ERC2: variants seen among roughly 807,000 people sequenced by gnomAD.
ERC2 encodes the protein ERC protein 2.
In ERC2, 42 loss-of-function variants were observed where a neutral mutation model predicts 114.8. The ratio of observed to expected loss-of-function variants is 0.37; its 90% CI spans 0.29 to 0.47. The LOEUF (loss-of-function observed/expected upper bound fraction) is 0.47, where lower values mean the gene tolerates loss of function less well. ERC2 is among the 20% of genes least tolerant of loss of function. The probability of loss-of-function intolerance (pLI) is 0.99; values close to 1 mark genes in which losing one functional copy is unlikely to be tolerated. For synonymous variants in ERC2, 454 were observed against 425.5 expected, an observed-to-expected ratio of 1.07 and a Z score of -0.82; for missense variants, 939 against 1,150.7, an observed-to-expected ratio of 0.82 and a Z score of 2.66.
At chr3:56,450,089 T>C (rs1315128154) in intron 1 of ERC2, among the ~76,000 whole-genome samples, 1 of 152,252 alleles carries the variant, frequency 6.6e-6, no homozygotes, top group African/African-American at 2.4e-5. Flanking sequence ...GTGAATGCCA[T>C]GATGTGAATC....
chr3:55,987,034 C>G (rs542005699), intron 11 of ERC2, among the ~76,000 whole-genome samples: 1 of 151,938 alleles, frequency 6.6e-6, no homozygotes, highest in Non-Finnish European at 1.5e-5. Flanking sequence ...AAAATAAATC[C>G]TCAGGATAAA....
At chr3:55,934,920 G>A (rs969979038) in intron 13 of ERC2, among the ~76,000 whole-genome samples, 7 of 152,116 alleles carry the variant, frequency 4.6e-5, no homozygotes, top group Non-Finnish European at 7.3e-5. Context: ...CATGCGGTCT[G>A]GGGGAAAAAA....
chr3:56,259,187 G>A (rs1473857769), intron 3 of ERC2, among the ~76,000 whole-genome samples: 1 of 151,862 alleles, frequency 6.6e-6, no homozygotes, highest in Non-Finnish European at 1.5e-5. Context: ...GATCAGGCTG[G>A]TCTTGAACTC....
intron 6 of ERC2, among the ~76,000 whole-genome samples, chr3:56,091,662 G>A (rs754203344): frequency 2.6e-5 from 4 of 152,288 alleles, no homozygotes; most frequent in East Asian, 1.9e-4. Context: ...ACAAAAATGT[G>A]TAAGGAGAGG....
intron 3 of ERC2, among the ~76,000 whole-genome samples, chr3:56,191,883 C>A (rs1330535022): frequency 6.6e-6 from 1 of 152,124 alleles, no homozygotes. Flanking sequence ...CACCTGTGCA[C>A]AAATGTCTCA....
chr3:55,684,322 G>GCA (rs148145445), intron 16 of ERC2, among the ~76,000 whole-genome samples: 22,461 of 149,448 alleles, frequency 0.15, 1,891 homozygotes, highest in East Asian at 0.33. Context: ...ACACACACAC[G>GCA]CACACACACA....
chr3:55,724,281 G>A (rs112927495), intron 15 of ERC2, among the ~76,000 whole-genome samples: 11 of 152,332 alleles, frequency 7.2e-5, no homozygotes, highest in South Asian at 4.1e-4. Context: ...AGGTCATGGC[G>A]GGAGCCAGCA....
In ERC2 at chr3:56,434,735, A is replaced by T; in HGVS notation, c.273T>A (p.Tyr91Ter). The T allele has an allele frequency of 6.2e-7, 1 of 1,613,962 alleles. No homozygotes were observed. Among genetic ancestry groups the T allele is most frequent in the Non-Finnish European group, 8.5e-7 (1 of 1,179,888 alleles). ...TLGRATNRAV[Y>*]GGRVTAMGSS... ...TCCCCATGGCTGTGACACGGCCTCC[A>T]TATACAGCTCGATTTGTAGCCCTTC... The change falls in exon 2 of 18, where the codon TAT becomes TAA. Residue 91 changes from tyrosine to a stop codon, truncating the protein, a stop_gained. Transcript: ENST00000288221. LOFTEE classifies it high-confidence loss of function.
intron 7 of ERC2, among the ~76,000 whole-genome samples, chr3:56,021,506 C>A (rs1249749209): frequency 1.3e-5 from 2 of 152,008 alleles, no homozygotes; most frequent in East Asian, 1.9e-4. Flanking sequence ...CTACTTAATA[C>A]TAAATTGTCC....
intron 17 of ERC2, among the ~76,000 whole-genome samples, chr3:55,660,222 C>A (rs556868293): frequency 4.6e-5 from 7 of 152,168 alleles, no homozygotes; most frequent in Non-Finnish European, 8.8e-5. Context: ...GGCACATCAA[C>A]CCGCACCCCC....
intron 14 of ERC2, among the ~76,000 whole-genome samples, chr3:55,741,781 G>A (rs1232514899): frequency 6.6e-6 from 1 of 152,108 alleles, no homozygotes; most frequent in African/African-American, 2.4e-5. Context: ...TAGGAAGGAA[G>A]ATAAGATAAT....
chr3:56,068,694 T>C (rs1040916864), intron 7 of ERC2, among the ~76,000 whole-genome samples: 1 of 152,190 alleles, frequency 6.6e-6, no homozygotes, highest in Non-Finnish European at 1.5e-5. Flanking sequence ...TGCTATAAAT[T>C]TCCCTCTTAA....
At chr3:55,543,948 T>G (rs1309710358) in intron 17 of ERC2, among the ~76,000 whole-genome samples, 1 of 152,158 alleles carries the variant, frequency 6.6e-6, no homozygotes, top group Non-Finnish European at 1.5e-5. Context: ...CCTGGCCTAT[T>G]TCATCCGTTC....
At chr3:56,394,347 T>G (rs1328040293) in intron 2 of ERC2, among the ~76,000 whole-genome samples, 1 of 152,188 alleles carries the variant, frequency 6.6e-6, no homozygotes, top group Admixed American at 6.5e-5. Flanking sequence ...GTGAAACTGT[T>G]TTATAGGTAA....
At chr3:55,834,444 G>A (rs922024283) in intron 14 of ERC2, among the ~76,000 whole-genome samples, 48 of 152,160 alleles carry the variant, frequency 3.2e-4, no homozygotes, top group African/African-American at 1.1e-3. Context: ...CTAGAACTCA[G>A]GATTAAGAAA....
chr3:56,081,841 T>G (rs1046881350), intron 6 of ERC2, among the ~76,000 whole-genome samples: 2 of 152,178 alleles, frequency 1.3e-5, no homozygotes, highest in African/African-American at 4.8e-5. Flanking sequence ...TTGAGTTAAT[T>G]TTCTGTAGCA....
chr3:56,079,759 G>A (rs746887612), intron 7 of ERC2, among the ~76,000 whole-genome samples: 19 of 152,174 alleles, frequency 1.2e-4, no homozygotes, highest in Non-Finnish European at 2.8e-4. Flanking sequence ...GTTGTGACTG[G>A]AGAGTTTTTA....
chr3:56,006,927 T>C lies in ERC2; in HGVS notation c.2061+254A>G, dbSNP rs139923453. On this transcript the variant is annotated intron_variant, in intron 10 of 17. Coordinates refer to ENST00000288221, the MANE Select transcript of ERC2 (RefSeq NM_015576.3). ...AGAGAGTAATGGCTGGTTTTTATAATATTTTTAACTTCTGCTACTATTTTG... is the reference window on the plus strand; with the variant it reads ...AGAGAGTAATGGCTGGTTTTTATAACATTTTTAACTTCTGCTACTATTTTG... Among the ~76,000 whole-genome samples, 497 of 152,228 alleles carry C rather than the reference T, an allele frequency of 3.3e-3. 4 individuals are homozygous for C. Among genetic ancestry groups the C allele is most frequent in the African/African-American group, 0.011 (466 of 41,554 alleles).
intron 2 of ERC2, among the ~76,000 whole-genome samples, chr3:56,405,800 T>C (rs925503598): frequency 1.3e-5 from 2 of 151,770 alleles, no homozygotes; most frequent in African/African-American, 2.4e-5. Flanking sequence ...ATATTTAACA[T>C]AGAACAATTG....
Sources: allele counts gnomAD v4.1 joint callset (sites outside exome capture counted in the v4.1 genomes callset), GRCh38; gene constraint gnomAD v4.1.1; transcripts MANE v1.5; gene names NCBI Gene and HGNC (gene_info 2026-07-23, HGNC 2026-07-21).